CRACR2A: variants seen among roughly 807,000 people sequenced by gnomAD.
CRACR2A encodes EF-hand calcium-binding domain-containing protein 4B.
Under a neutral mutation model 90.5 loss-of-function variants are expected in CRACR2A, and 79 were observed. The ratio of observed to expected loss-of-function variants is 0.87; its 90% CI spans 0.73 to 1.05. CRACR2A has a LOEUF of 1.05. CRACR2A is among the 50% of genes least tolerant of loss of function. The pLI, the probability that CRACR2A is intolerant of heterozygous loss-of-function variation, is 0.00. For synonymous variants in CRACR2A, 338 were observed against 356.7 expected (o/e 0.95, Z 0.59); for missense variants, 823 against 897.2 (o/e 0.92, Z 1.06).
In CRACR2A at chr12:3,638,427, A is replaced by G. The variant is rs755348343; in HGVS notation, c.1299T>C (p.Phe433=). 1.7e-5 allele frequency: 27 copies of G among 1,546,764 alleles called. No individual in the cohort carries two copies. In the East Asian group the frequency reaches 6.6e-4, roughly 38 times the overall value. The part of the protein sequence containing the change: ...RSQSEEEEEV[F]GIPRRSSLGL... The stretch of plus-strand genomic sequence containing the variant: ...CCAGGGAGCTTCTCCTTGGGATGCC[A>G]AACACCTCCTCCTCCTCCTCTGACT... Residue 433 remains phenylalanine, a synonymous_variant, in exon 14 of 20, where the codon TTT becomes TTC. Coordinates refer to ENST00000440314, the MANE Select transcript of CRACR2A (RefSeq NM_001144958.2).
chr12:3,710,419 TG>T, intron 3 of CRACR2A, among the ~76,000 whole-genome samples: 1 of 152,248 alleles, frequency 6.6e-6, no homozygotes, highest in East Asian at 1.9e-4. Flanking sequence ...TGAGATCAGG[TG>T]CCAGCATGGT....
chr12:3,706,639 T>C lies in CRACR2A; in HGVS notation c.-37+6598A>G, dbSNP rs190067162. ...ATTTAGAGACGGAGTCTCACTCTGT[T>C]GCCCGGGCTGAAGTGCAGTGGCATG... On this transcript the variant is annotated intron_variant, in intron 3 of 19. Transcript: ENST00000440314. Among the ~76,000 whole-genome samples the C allele has an allele frequency of 6.6e-3, 999 of 152,318 alleles. 4 individuals carry two copies. Among genetic ancestry groups the C allele is most frequent in the Middle Eastern group, 0.02 (6 of 294 alleles).
chr12:3,734,629 A>ATGTGTGTGTGTG (rs59680765), intron 1 of CRACR2A, among the ~76,000 whole-genome samples: 1 of 149,502 alleles, frequency 6.7e-6, no homozygotes, highest in African/African-American at 2.5e-5. Context: ...AGGTGTGTGT[A>ATGTGTGTGTGTG]TGTGTGTGTG....
chr12:3,648,801 T>G (rs985537176), intron 10 of CRACR2A, among the ~76,000 whole-genome samples, 188 bp from the exon 11 acceptor site: 1 of 151,804 alleles, frequency 6.6e-6, no homozygotes, highest in Non-Finnish European at 1.5e-5. Context: ...ATTTGGGAGG[T>G]GAACTTATCC....
chr12:3,718,367 A>C (rs1157945139), intron 2 of CRACR2A, among the ~76,000 whole-genome samples: 1 of 152,162 alleles, frequency 6.6e-6, no homozygotes, highest in Non-Finnish European at 1.5e-5. Flanking sequence ...TTTGTGGAGC[A>C]GGCAGCATTC....
chr12:3,745,733 A>G (rs572769739), intron 1 of CRACR2A, among the ~76,000 whole-genome samples: 194 of 151,332 alleles, frequency 1.3e-3, no homozygotes, highest in Non-Finnish European at 4.1e-4. Flanking sequence ...AGCCAAGATC[A>G]TGCCATTGCG....
chr12:3,744,480 A>C (rs1946578876), intron 1 of CRACR2A, among the ~76,000 whole-genome samples: 1 of 152,248 alleles, frequency 6.6e-6, no homozygotes, highest in Non-Finnish European at 1.5e-5. Context: ...CAGAGAGTCC[A>C]GAATCAAGTC....
intron 1 of CRACR2A, among the ~76,000 whole-genome samples, chr12:3,743,523 G>C (rs1188670076): frequency 1.3e-5 from 2 of 152,140 alleles, no homozygotes; most frequent in Non-Finnish European, 2.9e-5. Context: ...TCAGGCACAG[G>C]GGGATCAACA....
At chr12:3,650,834 C>A (rs1223477079) in intron 10 of CRACR2A, among the ~76,000 whole-genome samples, 1 of 152,234 alleles carries the variant, frequency 6.6e-6, no homozygotes, top group Non-Finnish European at 1.5e-5. Flanking sequence ...CATATCCATA[C>A]ATATGTATTA....
intron 4 of CRACR2A, among the ~76,000 whole-genome samples, chr12:3,690,250 T>C (rs998559919): frequency 1.3e-5 from 2 of 152,156 alleles, no homozygotes; most frequent in African/African-American, 4.8e-5. Flanking sequence ...ATTGTGATAT[T>C]AGGTTGCTAA....
In CRACR2A at chr12:3,673,605, G is replaced by C; in HGVS notation, c.525-13C>G. Reference sequence around the variant, plus strand: ...GACATCACTTTCACTGCAAGAGAAGGGACGCTCATGTGGAAGTGTGGAGAT... The same window carrying C: ...GACATCACTTTCACTGCAAGAGAAGCGACGCTCATGTGGAAGTGTGGAGAT... On this transcript the variant is annotated splice_polypyrimidine_tract_variant and intron_variant, in intron 6 of 19. Transcript: ENST00000440314. 1 of 1,611,458 alleles carries C rather than the reference G, an allele frequency of 6.2e-7. No homozygotes were observed. The highest frequency in any genetic ancestry group is 8.5e-7 in the Non-Finnish European group (1 of 1,179,488).
In CRACR2A at chr12:3,692,064, T is replaced by C. The variant is rs112840998; in HGVS notation, c.228+4708A>G. On this transcript the variant is annotated intron_variant, in intron 4 of 19. Transcript: ENST00000440314. ...AGCTGCTATATCATTTTATTGTGATTCTTAGCTTCCTTGGATTGGGTTTCA... is the reference window on the plus strand; with the variant it reads ...AGCTGCTATATCATTTTATTGTGATCCTTAGCTTCCTTGGATTGGGTTTCA... Among the ~76,000 whole-genome samples, 132 of 152,338 alleles carry C rather than the reference T, an allele frequency of 8.7e-4. 1 individual carries two copies. The highest frequency in any genetic ancestry group is 3.2e-3 in the African/African-American group (131 of 41,576).
chr12:3,654,470 A>G, intron 9 of CRACR2A, 71 bp from the exon 10 acceptor site: 1 of 1,464,000 alleles, frequency 6.8e-7, no homozygotes, highest in Non-Finnish European at 9.1e-7. Flanking sequence ...CCCTGGCCTC[A>G]CCTTGTTTTC....
chr12:3,695,690 C>A (rs1203535096), intron 4 of CRACR2A, among the ~76,000 whole-genome samples: 3 of 152,210 alleles, frequency 2.0e-5, no homozygotes, highest in Non-Finnish European at 4.4e-5. Context: ...GAAAGAGAGC[C>A]TAGCCATTGT....
chr12:3,644,621 G>A lies in CRACR2A; in HGVS notation c.1138C>T (p.Arg380Trp), dbSNP rs761233575. The A allele has an allele frequency of 1.9e-4, 294 of 1,551,610 alleles. No individual in the cohort carries two copies. Among genetic ancestry groups the A allele is most frequent in the Non-Finnish European group, 2.4e-4 (274 of 1,146,980 alleles). The stretch of plus-strand genomic sequence containing the variant: ...TGAAAACATATGTCCCGTTCATCCC[G>A]AAGGTGCTTGTTCCTTTCCCTGTGG... ...DFLRERNKHL[R>W]DERDICFQKN... Residue 380 changes from arginine to tryptophan, a missense_variant, in exon 12 of 20, where the codon CGG becomes TGG. Coordinates refer to ENST00000440314, the MANE Select transcript of CRACR2A (RefSeq NM_001144958.2).
chr12:3,661,548 T>A (rs1945038047), intron 7 of CRACR2A, among the ~76,000 whole-genome samples: 1 of 152,274 alleles, frequency 6.6e-6, no homozygotes, highest in Non-Finnish European at 1.5e-5. Context: ...TTGGGATTGT[T>A]ACTTTTGCTC....
In CRACR2A at chr12:3,659,739, A is replaced by G. The variant is rs988634474; in HGVS notation, c.672-85T>C. 3 of 1,070,158 alleles carry G rather than the reference A, an allele frequency of 2.8e-6. No homozygotes were observed. In the South Asian group the frequency reaches 3.9e-5, roughly 14 times the overall value. 66.3% of individuals were successfully genotyped at this position (1,070,158 alleles called of 1,614,324 possible). On this transcript the variant is annotated intron_variant, in intron 7 of 19. Transcript: ENST00000440314. ...CTGGAGCTCAGACACCAGTTCCCCA[A>G]CTCTGGAGCTGTGGGTGTGGGGGTG...
At chr12:3,699,631 C>G (rs544888337) in intron 3 of CRACR2A, among the ~76,000 whole-genome samples, 1 of 152,294 alleles carries the variant, frequency 6.6e-6, no homozygotes, top group South Asian at 2.1e-4. Flanking sequence ...TCTAACTTCC[C>G]TAGACCACTT....
Position 3,633,505 on chromosome 12 carries a change from C to T in CRACR2A, c.1735+99G>A. The stretch of plus-strand genomic sequence containing the variant: ...TCCCTACTGGCCAATCCCCATGGCC[C>T]TTCCCATGGGCTTCTAACGCTCCCT... On this transcript the variant is annotated intron_variant, in intron 15 of 19. Coordinates refer to ENST00000440314, the MANE Select transcript of CRACR2A (RefSeq NM_001144958.2). This position sits in a 1 kb window ranked among gnomAD's most constrained non-coding sequence, Gnocchi z 4.5. 1.4e-6 allele frequency: 2 copies of T among 1,479,760 alleles called. No homozygotes were observed. The highest frequency in any genetic ancestry group is 1.8e-6 in the Non-Finnish European group (2 of 1,094,376). The allele number at this position is 1,479,760 out of a possible 1,614,324, so 91.7% of individuals were successfully genotyped here.
Sources: allele counts gnomAD v4.1 joint callset (sites outside exome capture counted in the v4.1 genomes callset), GRCh38; gene constraint gnomAD v4.1.1; non-coding constraint Gnocchi (gnomAD v3.1); transcripts MANE v1.5; gene names NCBI Gene and HGNC (gene_info 2026-07-23, HGNC 2026-07-21).